Variants in CCDC18 observed in about 807,000 individuals in gnomAD.
CCDC18 encodes coiled-coil domain containing 18.
In CCDC18, 157 loss-of-function variants were observed where a neutral mutation model predicts 196.0. The ratio of observed to expected loss-of-function variants is 0.80; its 90% CI spans 0.70 to 0.91. The LOEUF is 0.91. Among genes scored for constraint, CCDC18 ranks in the 40% least tolerant of loss-of-function variants. The pLI is 0.00. For missense variants in CCDC18, 1,465 were observed against 1,611.6 expected, an observed-to-expected ratio of 0.91 and a Z score of 1.56; for synonymous variants, 482 against 529.2, an observed-to-expected ratio of 0.91 and a Z score of 1.22.
At chr1:93,254,657 G>T in intron 24 of CCDC18, 43 bp downstream of exon 24, 1 of 1,546,926 alleles carries the variant, frequency 6.5e-7, no homozygotes, top group East Asian at 2.3e-5. Context: ...GGTAGTCTCT[G>T]TTGAGTGAAA....
At chr1:93,208,230 T>G (rs982152288) in intron 9 of CCDC18, among the ~76,000 whole-genome samples, 2 of 152,250 alleles carry the variant, frequency 1.3e-5, no homozygotes, top group Non-Finnish European at 2.9e-5. Flanking sequence ...TGAGGGTTCC[T>G]GTTTCTCCAC....
In CCDC18 at chr1:93,186,562, T is replaced by C. The variant is rs1482816393; in HGVS notation, c.462+59T>C. Reference sequence around the variant, plus strand: ...ATAGTTGTTATTTTAAGATTTATAATTGGAAAAATATTCCTTGTATTGCCA... The same window carrying C: ...ATAGTTGTTATTTTAAGATTTATAACTGGAAAAATATTCCTTGTATTGCCA... On this transcript the variant is annotated intron_variant, in intron 4 of 28. Coordinates refer to ENST00000690025, the MANE Select transcript of CCDC18 (RefSeq NM_001378204.1). 2.8e-6 allele frequency: 4 copies of C among 1,413,674 alleles called. No homozygotes were observed. In the East Asian group the frequency reaches 9.3e-5, roughly 33 times the overall value. 87.6% of individuals were successfully genotyped at this position (1,413,674 alleles called of 1,614,324 possible). A position where few individuals can be genotyped will look rare whatever the true frequency, so the allele number is the denominator to read the frequency against.
intron 10 of CCDC18, among the ~76,000 whole-genome samples, 161 bp from the exon 11 acceptor site, chr1:93,211,940 A>T (rs1326959335): frequency 1.3e-5 from 2 of 152,216 alleles, no homozygotes; most frequent in Non-Finnish European, 2.9e-5. Context: ...CCAATTTATA[A>T]TTCTACAGTG....
At chr1:93,180,524 G>A (rs374283527), upstream of CCDC18, 5 of 1,523,182 alleles carry the variant, frequency 3.3e-6, no homozygotes, top group Admixed American at 7.8e-5. Context: ...GACGGCCTCC[G>A]GTTCCCATGG....
chr1:93,221,952 C>G lies in CCDC18; in HGVS notation c.2175+16C>G. 7.1e-7 allele frequency: 1 copy of G among 1,415,576 alleles called. No individual in the cohort carries two copies. Among genetic ancestry groups the G allele is most frequent in the Non-Finnish European group, 9.7e-7 (1 of 1,034,122 alleles). 87.7% of individuals were successfully genotyped at this position (1,415,576 alleles called of 1,614,324 possible). On this transcript the variant is annotated intron_variant, in intron 16 of 28. Coordinates refer to ENST00000690025, the MANE Select transcript of CCDC18 (RefSeq NM_001378204.1). Reference sequence around the variant, plus strand: ...AACAATCAAGGCTAGTATGCTAATACTTTATTTTTCTTTCTTTCCTTTTTT... The same window carrying G: ...AACAATCAAGGCTAGTATGCTAATAGTTTATTTTTCTTTCTTTCCTTTTTT...
At chr1:93,198,123 A>G (rs1653107516) in intron 6 of CCDC18, among the ~76,000 whole-genome samples, 1 of 152,178 alleles carries the variant, frequency 6.6e-6, no homozygotes, top group South Asian at 2.1e-4. Context: ...AGTAGCTGCT[A>G]AAGGTAAACA....
intron 28 of CCDC18, 43 bp from the exon 29 acceptor site, chr1:93,278,420 A>G: frequency 2.4e-6 from 2 of 832,646 alleles, no homozygotes; most frequent in Admixed American, 2.8e-5. Context: ...AAATCAGTTT[A>G]GGAATATTTC....
intron 24 of CCDC18, 47 bp from the exon 25 acceptor site, chr1:93,256,288 A>G: frequency 6.6e-7 from 1 of 1,512,412 alleles, no homozygotes; most frequent in Non-Finnish European, 9.1e-7. Flanking sequence ...GAAATAGGTT[A>G]TCTATATATT....
chr1:93,212,827 A>T (rs913431867), intron 11 of CCDC18, among the ~76,000 whole-genome samples: 1 of 152,170 alleles, frequency 6.6e-6, no homozygotes, highest in Admixed American at 6.5e-5. Context: ...CAAACGCATG[A>T]CATTTATTGT....
chr1:93,181,936 C>A (rs2101322995), intron 1 of CCDC18, among the ~76,000 whole-genome samples: 1 of 152,220 alleles, frequency 6.6e-6, no homozygotes, highest in African/African-American at 2.4e-5. Context: ...TCTTGCATGG[C>A]AATACACAGA....
At chr1:93,239,236 CTTTT>C in intron 19 of CCDC18, 70 bp from the exon 20 acceptor site, 1 of 1,132,882 alleles carries the variant, frequency 8.8e-7, no homozygotes, top group Non-Finnish European at 1.2e-6. Flanking sequence ...AACTTGCAGG[CTTTT>C]TTTTTAGTCA....
intron 17 of CCDC18, among the ~76,000 whole-genome samples, chr1:93,227,470 G>C (rs1658558670): frequency 6.6e-6 from 1 of 151,544 alleles, no homozygotes; most frequent in Non-Finnish European, 1.5e-5. Context: ...ACCCAGACTT[G>C]GAAACTTTTC....
intron 7 of CCDC18, among the ~76,000 whole-genome samples, chr1:93,204,338 TG>T (rs1309040993): frequency 6.6e-6 from 1 of 152,168 alleles, no homozygotes; most frequent in East Asian, 1.9e-4. Flanking sequence ...TTGAATTAAA[TG>T]TCTTTGGTCT....
intron 25 of CCDC18, among the ~76,000 whole-genome samples, chr1:93,256,941 C>G (rs1489820830): frequency 6.6e-6 from 1 of 151,910 alleles, no homozygotes; most frequent in Non-Finnish European, 1.5e-5. Flanking sequence ...AAAATGAAAA[C>G]TATTGGCTTG....
chr1:93,189,306 T>A (rs1651303420), intron 4 of CCDC18, among the ~76,000 whole-genome samples: 1 of 152,262 alleles, frequency 6.6e-6, no homozygotes, highest in Non-Finnish European at 1.5e-5. Context: ...TGACTGATTC[T>A]TATTCTTCTT....
chr1:93,213,497 T>C (rs1656016520), intron 11 of CCDC18, among the ~76,000 whole-genome samples: 1 of 152,140 alleles, frequency 6.6e-6, no homozygotes, highest in Admixed American at 6.5e-5. Flanking sequence ...CATCTAAGTA[T>C]TTAAGGATAG....
chr1:93,259,365 C>CT (rs763854983), intron 26 of CCDC18, among the ~76,000 whole-genome samples: 2 of 152,128 alleles, frequency 1.3e-5, no homozygotes, highest in Non-Finnish European at 2.9e-5. Context: ...GCCTTTTTAT[C>CT]TGTCAGCATG....
chr1:93,264,696 T>C lies in CCDC18; in HGVS notation c.3685-5T>C, dbSNP rs995908569. 26 of 1,583,710 alleles carry C rather than the reference T, an allele frequency of 1.6e-5. No homozygotes were observed. Among genetic ancestry groups the C allele is most frequent in the Non-Finnish European group, 2.1e-5 (24 of 1,154,798 alleles). ...TTTTTCTTTTCCAATTCTGGGGCTA[T>C]ATAGATGATTTCACATCAAGAGAAC... is the stretch of plus-strand genomic sequence containing the variant. On this transcript the variant is annotated splice_region_variant and splice_polypyrimidine_tract_variant and intron_variant, in intron 26 of 28. Coordinates refer to ENST00000690025, the MANE Select transcript of CCDC18 (RefSeq NM_001378204.1).
At chr1:93,180,595 C>T (rs751473752), upstream of CCDC18, 18 of 1,374,252 alleles carry the variant, frequency 1.3e-5, no homozygotes, top group South Asian at 2.1e-4. Flanking sequence ...GGGCGGGCTC[C>T]GCTAGTGGGC....
Sources: allele counts gnomAD v4.1 joint callset (sites outside exome capture counted in the v4.1 genomes callset), GRCh38; gene constraint gnomAD v4.1.1; transcripts MANE v1.5; gene names NCBI Gene and HGNC (gene_info 2026-07-23, HGNC 2026-07-21).